Variants in PPP2R5C observed in about 807,000 individuals in gnomAD.
PPP2R5C encodes the protein protein phosphatase 2 regulatory subunit B'gamma, also known as serine/threonine-protein phosphatase 2A 56 kDa regulatory subunit gamma isoform.
In PPP2R5C, 7 loss-of-function variants were observed where a neutral mutation model predicts 68.9. The ratio of observed to expected loss-of-function variants is 0.10; its 90% CI spans 0.06 to 0.19. PPP2R5C has a LOEUF of 0.19. Among genes scored for constraint, PPP2R5C ranks in the 10% least tolerant of loss-of-function variants. PPP2R5C has a pLI of 1.00. For missense variants in PPP2R5C, 348 were observed against 641.3 expected (o/e 0.54, Z 4.94); for synonymous variants, 210 against 222.2 (o/e 0.95, Z 0.49).
Position 101,835,440 on chromosome 14 carries a change from C to G in PPP2R5C, c.95-21246C>G, listed in dbSNP as rs1432492143. ...ATGATTCAGGTATTTGGTTGGTGAT[C>G]ATGTTATCAAGTCAGACTTGCAGTT... On this transcript the variant is annotated intron_variant, in intron 1 of 13. Transcript: ENST00000334743. This position sits in a 1 kb window ranked among gnomAD's most constrained non-coding sequence, Gnocchi z 5.0. Among the ~76,000 whole-genome samples the G allele has an allele frequency of 6.6e-6, 1 of 152,176 alleles. No individual in the cohort carries two copies. Among genetic ancestry groups the G allele is most frequent in the African/African-American group, 2.4e-5 (1 of 41,442 alleles).
chr14:101,783,739 T>C (rs2140055823), intron 2 of PPP2R5C, among the ~76,000 whole-genome samples: 2 of 152,288 alleles, frequency 1.3e-5, no homozygotes, highest in South Asian at 4.1e-4. Context: ...GGGGGAGCCC[T>C]GTCATTGGCC....
At chr14:101,858,064 C>T (rs974309137) in intron 2 of PPP2R5C, among the ~76,000 whole-genome samples, 4 of 152,132 alleles carry the variant, frequency 2.6e-5, no homozygotes, top group East Asian at 3.9e-4. Flanking sequence ...ACCATGTAGT[C>T]GGCCTAAGGA....
Position 101,809,965 on chromosome 14 carries a change from G to GC in PPP2R5C, c.24dup (p.Ser9GlnfsTer29). The GC allele has an allele frequency of 6.2e-7, 1 of 1,613,954 alleles. No individual in the cohort carries two copies. Among genetic ancestry groups the GC allele is most frequent in the Non-Finnish European group, 8.5e-7 (1 of 1,179,968 alleles). ...TAGATGTTGACATGTAATAAAGCGGGCAGCAGGATGGTGGTGGATGCGGCC... is the reference window on the plus strand; with the variant it reads ...TAGATGTTGACATGTAATAAAGCGGGCCAGCAGGATGGTGGTGGATGCGGCC... On this transcript the variant is annotated frameshift_variant, in exon 1 of 14. Coordinates refer to ENST00000334743, the Ensembl canonical transcript of PPP2R5C. LOFTEE classifies it high-confidence loss of function.
intron 2 of PPP2R5C, among the ~76,000 whole-genome samples, chr14:101,780,533 T>C (rs538713765): frequency 9.9e-5 from 15 of 152,280 alleles, no homozygotes; most frequent in Admixed American, 7.9e-4. Context: ...TCACCTGGGC[T>C]GAAGTGTGGT....
At chr14:101,848,722 T>C (rs1179703572) in intron 1 of PPP2R5C, among the ~76,000 whole-genome samples, 1 of 152,084 alleles carries the variant, frequency 6.6e-6, no homozygotes, top group East Asian at 1.9e-4. Context: ...GACACCCCGA[T>C]TGGCAACAGC....
chr14:101,845,466 A>ACCCCT (rs2041770176), intron 1 of PPP2R5C, among the ~76,000 whole-genome samples: 1 of 150,472 alleles, frequency 6.6e-6, no homozygotes, highest in Admixed American at 6.6e-5. Context: ...ACTCCACTCC[A>ACCCCT]CCCCACCCTT....
intron 10 of PPP2R5C, 97 bp from the exon 13 acceptor site, chr14:101,909,492 T>C (rs2141093251): frequency 5.4e-6 from 4 of 741,422 alleles, no homozygotes; most frequent in East Asian, 5.2e-5. Context: ...TCCTGTGCGA[T>C]GTGGGACTGT....
intron 1 of PPP2R5C, among the ~76,000 whole-genome samples, chr14:101,828,798 C>T (rs1265964980): frequency 1.3e-5 from 2 of 151,756 alleles, no homozygotes; most frequent in African/African-American, 4.9e-5. Flanking sequence ...TTACCTCAGC[C>T]TCCCGAGCAA....
chr14:101,779,269 A>G (rs2037561742), intron 2 of PPP2R5C, among the ~76,000 whole-genome samples: 2 of 152,284 alleles, frequency 1.3e-5, no homozygotes, highest in South Asian at 2.1e-4. Flanking sequence ...TAACGGGGAC[A>G]TGAGATGTGT....
rs562095105 is a variant in PPP2R5C, at chr14:101,917,496, G to A, written c.1327-335G>A. Among the ~76,000 whole-genome samples the A allele has an allele frequency of 2.0e-5, 3 of 152,284 alleles. No individual in the cohort carries two copies. The highest frequency in any genetic ancestry group is 4.8e-5 in the African/African-American group (2 of 41,566). On this transcript the variant is annotated intron_variant, in intron 12 of 13. Coordinates refer to ENST00000334743, the Ensembl canonical transcript of PPP2R5C. This position sits in a 1 kb window ranked among gnomAD's most constrained non-coding sequence, Gnocchi z 4.4. Reference sequence around the variant, plus strand: ...CAGTGGTGAGACAGCTCCCACCACCGAGCCCAGGGTGCGACCTCGCACTTG... The same window carrying A: ...CAGTGGTGAGACAGCTCCCACCACCAAGCCCAGGGTGCGACCTCGCACTTG...
At chr14:101,813,513 G>A (rs2039486550) in intron 1 of PPP2R5C, among the ~76,000 whole-genome samples, 1 of 152,346 alleles carries the variant, frequency 6.6e-6, no homozygotes, top group East Asian at 1.9e-4. Context: ...CCTCCTCCCT[G>A]TGCTGGGAAG....
intron 2 of PPP2R5C, 114 bp from the exon 3 acceptor site, chr14:101,785,904 A>C: frequency 1.1e-6 from 1 of 935,202 alleles, no homozygotes; most frequent in African/African-American, 1.7e-5. Flanking sequence ...TCTTCCATGG[A>C]GTGAAGGGGA....
chr14:101,887,223 G>C (rs2044582378), intron 5 of PPP2R5C, among the ~76,000 whole-genome samples: 1 of 152,236 alleles, frequency 6.6e-6, no homozygotes, highest in Non-Finnish European at 1.5e-5. Flanking sequence ...CTGGCACACA[G>C]CGGGACCTGG....
chr14:101,838,405 T>G (rs1234749661), intron 1 of PPP2R5C, among the ~76,000 whole-genome samples: 3 of 152,258 alleles, frequency 2.0e-5, no homozygotes, highest in South Asian at 4.1e-4. Context: ...TTGTTAACTT[T>G]CTTAAATAAT....
chr14:101,801,735 CTT>C (rs1209372918), intron 3 of PPP2R5C, among the ~76,000 whole-genome samples: 2 of 152,212 alleles, frequency 1.3e-5, no homozygotes, highest in Non-Finnish European at 1.5e-5. Flanking sequence ...GTTTGGAAGA[CTT>C]AATGTTGTTA....
chr14:101,872,612 G>A (rs1334323289), intron 2 of PPP2R5C, among the ~76,000 whole-genome samples: 3 of 152,120 alleles, frequency 2.0e-5, no homozygotes, highest in Non-Finnish European at 4.4e-5. Context: ...TTGCTCGCCT[G>A]TTGTCTTGCT....
chr14:101,819,040 C>A lies in PPP2R5C; in HGVS notation c.94+9004C>A. On this transcript the variant is annotated intron_variant, in intron 1 of 13. Coordinates refer to ENST00000334743, the Ensembl canonical transcript of PPP2R5C. ...AAGCCCTAAAGTACCACCTCCACTT[C>A]TTCCTGAGTTGCTGGTTCTTATTTT... 1 of 1,551,620 alleles carries A rather than the reference C, an allele frequency of 6.4e-7. No individual in the cohort carries two copies. The highest frequency in any genetic ancestry group is 2.0e-5 in the Admixed American group (1 of 51,010).
At chr14:101,861,939 C>G (rs1678020) in intron 2 of PPP2R5C, among the ~76,000 whole-genome samples, 52,532 of 152,054 alleles carry the variant, frequency 0.35, 11,608 homozygotes, top group African/African-American at 0.63. Flanking sequence ...TTAGAGATGC[C>G]GTCTTGCTCT....
At chr14:101,837,810 C>G (rs946337723) in intron 1 of PPP2R5C, among the ~76,000 whole-genome samples, 5 of 152,208 alleles carry the variant, frequency 3.3e-5, no homozygotes, top group African/African-American at 1.2e-4. Context: ...TTATGTCACT[C>G]ACTCCTCACA....
Sources: allele counts gnomAD v4.1 joint callset (sites outside exome capture counted in the v4.1 genomes callset), GRCh38; gene constraint gnomAD v4.1.1; non-coding constraint Gnocchi (gnomAD v3.1); transcripts MANE v1.5; gene names NCBI Gene and HGNC (gene_info 2026-07-23, HGNC 2026-07-21).